BICRAL: variants seen among roughly 807,000 people sequenced by gnomAD.
BICRAL encodes the protein BICRA like chromatin remodeling complex associated protein.
A neutral mutation model predicts 91.8 loss-of-function variants in BICRAL; 8 were observed. The observed-to-expected ratio is 0.09, with a 90% CI of 0.05 to 0.16. The LOEUF is 0.16. BICRAL is among the 10% of genes least tolerant of loss of function. BICRAL has a pLI of 1.00. For synonymous variants in BICRAL, 445 were observed against 491.1 expected, an observed-to-expected ratio of 0.91 and a Z score of 1.24; for missense variants, 1,038 against 1,310.9, an observed-to-expected ratio of 0.79 and a Z score of 3.21.
rs769090789 is a variant in BICRAL at position 42,830,184 on chromosome 6, T to C, written c.1839+12T>C. On this transcript the variant is annotated intron_variant, in intron 6 of 12. Transcript: ENST00000314073. The stretch of plus-strand genomic sequence containing the variant: ...AATTCTTCTGCCAGGTAATGCCCTT[T>C]CCCAAATAAATATTTGGCTGATTAT... The C allele has an allele frequency of 5.0e-6, 8 of 1,611,668 alleles. No homozygotes were observed. The highest frequency in any genetic ancestry group is 6.8e-6 in the Non-Finnish European group (8 of 1,178,842).
chr6:42,840,482 C>T (rs1764759264), intron 6 of BICRAL, among the ~76,000 whole-genome samples: 2 of 151,782 alleles, frequency 1.3e-5, no homozygotes, highest in Admixed American at 6.6e-5. Flanking sequence ...ACCTCGTGAT[C>T]CGCCTGCCTC....
chr6:42,862,079 G>A (rs112047642), intron 11 of BICRAL, among the ~76,000 whole-genome samples: 86 of 152,224 alleles, frequency 5.6e-4, no homozygotes, highest in African/African-American at 1.9e-3. Flanking sequence ...GCTCATGCCT[G>A]TAATCCCAGC....
intron 12 of BICRAL, among the ~76,000 whole-genome samples, chr6:42,863,601 G>A (rs1041315787): frequency 6.6e-6 from 1 of 152,184 alleles, no homozygotes; most frequent in Admixed American, 6.5e-5. Flanking sequence ...TCTGTTTCCT[G>A]GTGTCTATCA....
chr6:42,754,617 C>T (rs1762433359), intron 1 of BICRAL, among the ~76,000 whole-genome samples: 1 of 152,210 alleles, frequency 6.6e-6, no homozygotes, highest in Non-Finnish European at 1.5e-5. Flanking sequence ...CAAGGCTGGG[C>T]ATGGCAGTTC....
At chr6:42,759,478 G>A (rs1366859057) in intron 1 of BICRAL, among the ~76,000 whole-genome samples, 1 of 152,196 alleles carries the variant, frequency 6.6e-6, no homozygotes, top group Non-Finnish European at 1.5e-5. Context: ...AGTAAAGATA[G>A]AGGAAAGAAG....
intron 2 of BICRAL, among the ~76,000 whole-genome samples, chr6:42,820,290 G>A (rs550353514): frequency 1.8e-4 from 27 of 152,018 alleles, no homozygotes; most frequent in African/African-American, 5.5e-4. Flanking sequence ...TTCCAGAGAC[G>A]GACACTTAAA....
chr6:42,805,240 A>G (rs1055621105), intron 1 of BICRAL, among the ~76,000 whole-genome samples: 3 of 152,166 alleles, frequency 2.0e-5, no homozygotes, highest in African/African-American at 7.2e-5. Flanking sequence ...AAGTAAGGAA[A>G]TTTGTCACCT....
chr6:42,866,873 T>G lies in BICRAL; in HGVS notation c.*1427T>G. 1 of 456,192 alleles carries G rather than the reference T, an allele frequency of 2.2e-6. No individual in the cohort carries two copies. The highest frequency in any genetic ancestry group is 1.5e-5 in the South Asian group (1 of 64,562). 28.3% of individuals were successfully genotyped at this position (456,192 alleles called of 1,614,324 possible). On this transcript the variant is annotated 3_prime_UTR_variant, in exon 13 of 13. Coordinates refer to ENST00000314073, the MANE Select transcript of BICRAL (RefSeq NM_001393499.1). ...GTCATTGTAACCATCACTTATCTCC[T>G]CTCATTGGGAAAGCTACATGATAGT...
In BICRAL at chr6:42,867,425, A is replaced by T. The variant is rs1272154975; in HGVS notation, c.*1979A>T. The T allele has an allele frequency of 6.5e-6, 1 of 153,148 alleles. No homozygotes were observed. The highest frequency in any genetic ancestry group is 1.9e-4 in the East Asian group (1 of 5,188). 9.5% of individuals were successfully genotyped at this position (153,148 alleles called of 1,614,324 possible). On this transcript the variant is annotated 3_prime_UTR_variant, in exon 13 of 13. Coordinates refer to ENST00000314073, the MANE Select transcript of BICRAL (RefSeq NM_001393499.1). The stretch of plus-strand genomic sequence containing the variant: ...TTTTTCCTGTATTGTAACATATTAG[A>T]TAAGTTGGTGTCGCCAGTTGGTACT...
chr6:42,822,723 A>G, intron 3 of BICRAL, 73 bp from the exon 4 acceptor site: 1 of 765,474 alleles, frequency 1.3e-6, no homozygotes, highest in Non-Finnish European at 2.2e-6. Context: ...TTTCTACTCT[A>G]GTAAAAATTA....
intron 1 of BICRAL, among the ~76,000 whole-genome samples, chr6:42,748,062 C>A (rs1277930934): frequency 6.6e-6 from 1 of 150,908 alleles, no homozygotes; most frequent in South Asian, 2.1e-4. Flanking sequence ...CCTCGGCCTC[C>A]CATAGTGCCG....
At position 42,822,799 on chromosome 6, in the gene BICRAL, C is replaced by A. The variant is rs1166139453; in HGVS notation, c.45C>A (p.Asp15Glu). 5 of 1,542,366 alleles carry A rather than the reference C, an allele frequency of 3.2e-6. No homozygotes were observed. The highest frequency in any genetic ancestry group is 4.5e-6 in the Non-Finnish European group (5 of 1,116,574). Residue 15 changes from aspartate (D) to glutamate (E), a missense_variant, in exon 4 of 13, where the codon GAC becomes GAA. Physicochemically the swap from Asp to Glu is conservative, Grantham distance 45. Transcript: ENST00000314073. Reference sequence around the variant, plus strand: ...CTTTTTTTCCTCTCTTTTCTAGAGACCCACAAGCATTGAACTATTTTCTAC... The same window carrying A: ...CTTTTTTTCCTCTCTTTTCTAGAGAACCACAAGCATTGAACTATTTTCTAC... ...DDSCLLDLIG[D>E]PQALNYFLHG...
chr6:42,800,345 G>C (rs1399738219), intron 1 of BICRAL, among the ~76,000 whole-genome samples: 1 of 151,932 alleles, frequency 6.6e-6, no homozygotes, highest in East Asian at 1.9e-4. Flanking sequence ...TTAATTTTTA[G>C]TAGAGATGGG....
rs780265578 is a variant in BICRAL, at chr6:42,756,919, TCC to T, written c.-261+9906_-261+9907del. 2.2e-3 allele frequency among the ~76,000 whole-genome samples: 152 copies of T among 69,362 alleles called. 4 individuals are homozygous for T. The highest frequency in any genetic ancestry group is 3.2e-3 in the Admixed American group (20 of 6,180). 45.5% of individuals were successfully genotyped at this position (69,362 alleles called of 152,430 possible). ...CTCTCTCTCTCTCTCTCTCTCCCTCTCCCCCCCCCCCACCCTCCCTCTCTCCC... is the reference window on the plus strand; with the variant it reads ...CTCTCTCTCTCTCTCTCTCTCCCTCTCCCCCCCCCACCCTCCCTCTCTCCC... On this transcript the variant is annotated intron_variant, in intron 1 of 14. Transcript: ENST00000614467.
chr6:42,867,826 G>T lies in BICRAL; in HGVS notation c.*2380G>T, dbSNP rs920476917. The T allele has an allele frequency of 5.3e-5, 8 of 152,072 alleles. No individual in the cohort carries two copies. The highest frequency in any genetic ancestry group is 1.9e-4 in the African/African-American group (8 of 41,404). 9.4% of individuals were successfully genotyped at this position (152,072 alleles called of 1,614,324 possible). On this transcript the variant is annotated 3_prime_UTR_variant, in exon 13 of 13. Transcript: ENST00000314073. The stretch of plus-strand genomic sequence containing the variant: ...ACCAAAATGAAACTTGTAAATTTTT[G>T]TGTCATTGTATGTAAGTTTACTTTT...
chr6:42,766,672 C>G (rs1456916880), intron 1 of BICRAL, among the ~76,000 whole-genome samples: 1 of 152,096 alleles, frequency 6.6e-6, no homozygotes, highest in African/African-American at 2.4e-5. Context: ...AACCCCATCT[C>G]TGCTAAAAAT....
At chr6:42,794,409 CTCTGTGTGTGTGTGTG>C (rs1296654898) in intron 1 of BICRAL, among the ~76,000 whole-genome samples, 3 of 122,018 alleles carry the variant, frequency 2.5e-5, no homozygotes, top group African/African-American at 1.1e-4. Flanking sequence ...AATTCACTTA[CTCTGTGTGTGTGTGTG>C]TGTGTGTGTG....
chr6:42,782,477 C>G (rs1204154232), intron 1 of BICRAL, among the ~76,000 whole-genome samples: 1 of 82,232 alleles, frequency 1.2e-5, no homozygotes. Flanking sequence ...TTCAGTGTCT[C>G]GGGCGGGGGC....
chr6:42,850,873 G>GA (rs756860349), intron 6 of BICRAL, among the ~76,000 whole-genome samples: 196 of 148,190 alleles, frequency 1.3e-3, no homozygotes, highest in Middle Eastern at 3.7e-3. Context: ...ATCTCAAAAG[G>GA]AAAAAAAACT....
Sources: gnomAD v4.1 joint callset for allele counts (sites outside exome capture counted in the v4.1 genomes callset) on GRCh38, gnomAD v4.1.1 for gene constraint, MANE v1.5 for transcripts, NCBI Gene and HGNC (gene_info 2026-07-23, HGNC 2026-07-21) for gene names.